NEK7: variants seen among roughly 807,000 people sequenced by gnomAD.
NEK7 encodes the protein serine/threonine-protein kinase Nek7.
A neutral mutation model predicts 44.6 loss-of-function variants in NEK7; 18 were observed. The observed-to-expected ratio is 0.40, with a 90% CI of 0.28 to 0.60. The LOEUF is 0.60. Among genes scored for constraint, NEK7 ranks in the 20% least tolerant of loss-of-function variants. NEK7 has a pLI of 0.38. For missense variants in NEK7, 256 were observed against 366.5 expected (o/e 0.70, Z 2.46); for synonymous variants, 130 against 121.1 (o/e 1.07, Z -0.48).
intron 1 of NEK7, among the ~76,000 whole-genome samples, chr1:198,225,075 G>T (rs1666175854): frequency 6.6e-6 from 1 of 152,046 alleles, no homozygotes; most frequent in Non-Finnish European, 1.5e-5. Flanking sequence ...AGACATGGTG[G>T]CTCACGCCTG....
chr1:198,319,198 CATT>C (rs1365021341), intron 9 of NEK7, among the ~76,000 whole-genome samples: 5 of 152,162 alleles, frequency 3.3e-5, no homozygotes, highest in Non-Finnish European at 7.3e-5. Flanking sequence ...TCTTGGTTGA[CATT>C]AATACTGTCC....
intron 1 of NEK7, among the ~76,000 whole-genome samples, chr1:198,211,939 C>G (rs948714343): frequency 6.6e-6 from 1 of 152,230 alleles, no homozygotes; most frequent in African/African-American, 2.4e-5. Flanking sequence ...CACACTCCCG[C>G]AGGGGAGCGG....
At chr1:198,264,311 G>T (rs1383185112) in intron 5 of NEK7, 76 bp downstream of exon 5, 5 of 1,002,264 alleles carry the variant, frequency 5.0e-6, no homozygotes, top group Non-Finnish European at 6.0e-6. Context: ...AACACATAGG[G>T]ATATTAGATA....
intron 1 of NEK7, among the ~76,000 whole-genome samples, chr1:198,169,117 G>C (rs557369739): frequency 6.6e-6 from 1 of 152,106 alleles, no homozygotes; most frequent in Non-Finnish European, 1.5e-5. Flanking sequence ...CTATGTGTTA[G>C]TTTTTAAAAA....
intron 1 of NEK7, among the ~76,000 whole-genome samples, chr1:198,215,926 TTAAAG>T (rs1236097604): frequency 6.6e-6 from 1 of 151,860 alleles, no homozygotes; most frequent in Non-Finnish European, 1.5e-5. Flanking sequence ...TACCACTAGA[TTAAAG>T]AAAAGAGATA....
intron 5 of NEK7, among the ~76,000 whole-genome samples, chr1:198,275,986 A>G (rs1212322463): frequency 6.6e-6 from 1 of 151,732 alleles, no homozygotes; most frequent in Non-Finnish European, 1.5e-5. Context: ...AATTCATGTC[A>G]TTCTTTAAAG....
At chr1:198,164,504 G>A (rs1558037543) in intron 1 of NEK7, among the ~76,000 whole-genome samples, 1 of 152,176 alleles carries the variant, frequency 6.6e-6, no homozygotes, top group African/African-American at 2.4e-5. Flanking sequence ...AGTGAATCTT[G>A]CAATAAAGCG....
chr1:198,162,317 A>C (rs574171774), intron 1 of NEK7, among the ~76,000 whole-genome samples: 1 of 152,246 alleles, frequency 6.6e-6, no homozygotes, highest in South Asian at 2.1e-4. Flanking sequence ...ATTCCTGGCT[A>C]GTTGCCACCA....
At chr1:198,178,088 C>T (rs551375978) in intron 1 of NEK7, among the ~76,000 whole-genome samples, 1 of 151,792 alleles carries the variant, frequency 6.6e-6, no homozygotes, top group Non-Finnish European at 1.5e-5. Context: ...ATTCTTAGAA[C>T]GAATCAACCT....
chr1:198,313,836 G>A (rs1405650391), intron 9 of NEK7, among the ~76,000 whole-genome samples: 1 of 151,728 alleles, frequency 6.6e-6, no homozygotes, highest in African/African-American at 2.4e-5. Context: ...TTCCCTTTGA[G>A]GGTAACTCGA....
At chr1:198,197,661 C>T (rs1665282829) in intron 1 of NEK7, 1 of 372,472 alleles carries the variant, frequency 2.7e-6, no homozygotes. Context: ...GGGTTAGGCT[C>T]AGGTGGGGGT....
intron 5 of NEK7, among the ~76,000 whole-genome samples, chr1:198,276,088 G>A (rs1654008595): frequency 6.6e-6 from 1 of 151,524 alleles, no homozygotes; most frequent in Non-Finnish European, 1.5e-5. Context: ...GGTTTAACTT[G>A]TAAGTTACAG....
At chr1:198,209,495 C>T (rs1335326632) in intron 1 of NEK7, among the ~76,000 whole-genome samples, 1 of 152,134 alleles carries the variant, frequency 6.6e-6, no homozygotes, top group Non-Finnish European at 1.5e-5. Context: ...CAACAAATAA[C>T]TATGCAATTA....
At chr1:198,271,865 G>T (rs140544437) in intron 5 of NEK7, among the ~76,000 whole-genome samples, 1,787 of 146,436 alleles carry the variant, frequency 0.012, 12 homozygotes, top group South Asian at 0.02. Context: ...ACCCAGGATT[G>T]AATATTATTT....
At chr1:198,299,650 A>G (rs539164951) in intron 9 of NEK7, among the ~76,000 whole-genome samples, 6 of 152,350 alleles carry the variant, frequency 3.9e-5, no homozygotes, top group African/African-American at 1.4e-4. Context: ...CTTATCAGGT[A>G]TGTATTTATG....
intron 9 of NEK7, among the ~76,000 whole-genome samples, chr1:198,314,788 G>A (rs181137828): frequency 5.7e-4 from 87 of 152,314 alleles, no homozygotes; most frequent in African/African-American, 1.7e-3. Flanking sequence ...CAGTCTGCCC[G>A]TTCTCAGATC....
chr1:198,296,198 T>C (rs1016814409), intron 8 of NEK7, among the ~76,000 whole-genome samples: 1 of 152,156 alleles, frequency 6.6e-6, no homozygotes, highest in African/African-American at 2.4e-5. Context: ...AATGTACACA[T>C]TGTCCTTCCA....
At chr1:198,213,168 T>C (rs1250007946) in intron 1 of NEK7, among the ~76,000 whole-genome samples, 2 of 152,130 alleles carry the variant, frequency 1.3e-5, no homozygotes, top group South Asian at 2.1e-4. Context: ...CCGAGAGTCA[T>C]AGAAGGATTC....
At chr1:198,164,571 T>C (rs982781243) in intron 1 of NEK7, among the ~76,000 whole-genome samples, 3 of 152,256 alleles carry the variant, frequency 2.0e-5, no homozygotes, top group Admixed American at 1.3e-4. Flanking sequence ...TACACTATAC[T>C]GTAGTCTATA....
Sources: allele counts gnomAD v4.1 joint callset (sites outside exome capture counted in the v4.1 genomes callset), GRCh38; gene constraint gnomAD v4.1.1; transcripts MANE v1.5; gene names NCBI Gene and HGNC (gene_info 2026-07-23, HGNC 2026-07-21).